LDLRAP1: variants seen among roughly 807,000 people sequenced by gnomAD.
LDLRAP1 encodes low density lipoprotein receptor adaptor protein 1.
Under a neutral mutation model 37.8 loss-of-function variants are expected in LDLRAP1, and 30 were observed. That is an observed-to-expected ratio of 0.79 (90% CI 0.59 to 1.08). The LOEUF (loss-of-function observed/expected upper bound fraction) is 1.08. Among genes scored for constraint, LDLRAP1 ranks in the 50% least tolerant of loss-of-function variants. LDLRAP1 has a pLI of 0.00. For synonymous variants in LDLRAP1, 156 were observed against 169.8 expected (o/e 0.92, Z 0.63); for missense variants, 375 against 401.6 (o/e 0.93, Z 0.57).
chr1:25,587,905 G>T, the LDLRAP1 span, among the ~76,000 whole-genome samples: 4 of 152,142 alleles, frequency 2.6e-5, no homozygotes, highest in African/African-American at 9.7e-5. Context: ...GAAAGAAGTA[G>T]ACATAAGAGA....
At chr1:25,582,725 T>C in the LDLRAP1 span, among the ~76,000 whole-genome samples, 2 of 152,182 alleles carry the variant, frequency 1.3e-5, no homozygotes, top group South Asian at 4.1e-4. Context: ...CCCCATCCTT[T>C]TAAAAATAAC....
chr1:25,563,756 C>T lies in LDLRAP1; in HGVS notation c.712C>T (p.Arg238Trp), dbSNP rs41291058. The change falls in exon 7 of 9, where the codon CGG (arginine) becomes TGG (tryptophan). Residue 238 changes from arginine (R) to tryptophan (W), a missense_variant. Arg to Trp is a moderately radical substitution (Grantham distance 101, BLOSUM62 -3). Coordinates refer to ENST00000374338, the MANE Select transcript of LDLRAP1 (RefSeq NM_015627.3). ...CACCACCAACATGGACGAGGTGCCG[C>T]GGCCACAAGCCTTGAGTGGCAGCAG... is the stretch of plus-strand genomic sequence containing the variant. Reference protein sequence around the residue: ...ANTTNMDEVPRPQALSGSSVV... With the variant: ...ANTTNMDEVPWPQALSGSSVV... 67,876 of 1,613,906 alleles carry T rather than the reference C, an allele frequency of 0.042. 1,745 individuals carry two copies. The highest frequency in any genetic ancestry group is 0.051 in the Non-Finnish European group (59,609 of 1,179,980).
rs1483547982 is a variant in LDLRAP1 at position 25,555,705 on chromosome 1, C to T, written c.344+733C>T. On this transcript the variant is annotated intron_variant, in intron 3 of 8. Coordinates refer to ENST00000374338, the MANE Select transcript of LDLRAP1 (RefSeq NM_015627.3). The surrounding 1 kb of genome is among the most constrained non-coding windows in gnomAD (Gnocchi z 4.7). ...TGGCTCAGCCCGTTGGTGCACAGGC[C>T]AGTAGTAGGGTCAGTAGATGTGTGT... is the stretch of plus-strand genomic sequence containing the variant. 6.6e-6 allele frequency among the ~76,000 whole-genome samples: 1 copy of T among 152,156 alleles called. No homozygotes were observed. The highest frequency in any genetic ancestry group is 1.5e-5 in the Non-Finnish European group (1 of 68,034).
intron 4 of LDLRAP1, among the ~76,000 whole-genome samples, chr1:25,560,585 G>C (rs970520601): frequency 2.0e-5 from 3 of 152,180 alleles, no homozygotes; most frequent in Non-Finnish European, 4.4e-5. Flanking sequence ...GGCAGCACGG[G>C]GCCAGGCTGC....
downstream of LDLRAP1, among the ~76,000 whole-genome samples, chr1:25,569,494 T>C (rs1419579383): frequency 6.6e-6 from 1 of 152,150 alleles, no homozygotes; most frequent in Non-Finnish European, 1.5e-5. Flanking sequence ...CAGTCACCTC[T>C]TGAGCCTTGA....
chr1:25,548,706 C>A (rs1396758729), intron 1 of LDLRAP1, among the ~76,000 whole-genome samples: 3 of 151,134 alleles, frequency 2.0e-5, no homozygotes, highest in Admixed American at 2.0e-4. Context: ...CAAGGTCTCA[C>A]TCTATTGCCC....
At chr1:25,572,823 A>G (rs1292801959), downstream of LDLRAP1, among the ~76,000 whole-genome samples, 4 of 152,140 alleles carry the variant, frequency 2.6e-5, no homozygotes, top group Admixed American at 1.3e-4. Flanking sequence ...TTGAGCATGT[A>G]ATGAGCACCA....
chr1:25,559,469 C>A (rs893036088), intron 4 of LDLRAP1, among the ~76,000 whole-genome samples: 1 of 152,228 alleles, frequency 6.6e-6, no homozygotes, highest in Non-Finnish European at 1.5e-5. Context: ...GGCCGCTGCT[C>A]AGCCACTGAC....
intron 1 of LDLRAP1, among the ~76,000 whole-genome samples, chr1:25,548,005 CTT>C (rs1167672083): frequency 6.6e-6 from 1 of 152,194 alleles, no homozygotes; most frequent in Non-Finnish European, 1.5e-5. Context: ...GTCAGATACT[CTT>C]TTTGAGCAGC....
chr1:25,570,877 A>G (rs1175764419), downstream of LDLRAP1, among the ~76,000 whole-genome samples: 1 of 152,032 alleles, frequency 6.6e-6, no homozygotes, highest in Non-Finnish European at 1.5e-5. Context: ...AATAAAAATA[A>G]AGTAACCCTT....
chr1:25,570,031 T>C (rs2044582043), downstream of LDLRAP1, among the ~76,000 whole-genome samples: 1 of 152,204 alleles, frequency 6.6e-6, no homozygotes, highest in South Asian at 2.1e-4. Flanking sequence ...CCTCTGCCCC[T>C]CAGCTGTGGC....
At position 25,544,688 on chromosome 1, in the gene LDLRAP1, C is replaced by G. The variant is rs1180183495; in HGVS notation, c.88+902C>G. ...AGAAGACCCAGCCTAGCGCAGGTCT[C>G]GTTGTTTGGGAGGGAGAAGAGAGTG... is the stretch of plus-strand genomic sequence containing the variant. On this transcript the variant is annotated intron_variant, in intron 1 of 8. Transcript: ENST00000374338. This position sits in a 1 kb window ranked among gnomAD's most constrained non-coding sequence, Gnocchi z 4.8. Among the ~76,000 whole-genome samples, 1 of 152,158 alleles carries G rather than the reference C, an allele frequency of 6.6e-6. No individual in the cohort carries two copies. The highest frequency in any genetic ancestry group is 1.5e-5 in the Non-Finnish European group (1 of 68,030).
chr1:25,589,304 A>AGAAAGAAAGAAAGAAAG, the LDLRAP1 span, among the ~76,000 whole-genome samples: 1 of 148,934 alleles, frequency 6.7e-6, no homozygotes, highest in East Asian at 2.1e-4. Flanking sequence ...ACTCCATCTC[A>AGAAAGAAAGAAAGAAAG]AAAGAAAGAA....
intron 4 of LDLRAP1, among the ~76,000 whole-genome samples, chr1:25,561,153 A>C (rs2044333785): frequency 6.6e-6 from 1 of 152,228 alleles, no homozygotes; most frequent in Non-Finnish European, 1.5e-5. Flanking sequence ...GCTTGGGTGG[A>C]TAGTGATCTG....
At chr1:25,556,456 AC>A (rs1435619549) in intron 3 of LDLRAP1, among the ~76,000 whole-genome samples, 1 of 151,946 alleles carries the variant, frequency 6.6e-6, no homozygotes, top group Non-Finnish European at 1.5e-5. Flanking sequence ...CACGCACCCC[AC>A]CCCTACTCCC....
At position 25,554,930 on chromosome 1, in the gene LDLRAP1, A is replaced by T. The variant is rs1188788904; in HGVS notation, c.302A>T (p.Asp101Val). The change falls in exon 3 of 9, where the codon GAC becomes GTC. Residue 101 changes from aspartate to valine, a missense_variant. By Grantham distance (152) the Asp-to-Val change is radical. Coordinates refer to ENST00000374338, the MANE Select transcript of LDLRAP1 (RefSeq NM_015627.3). This position sits in a 1 kb window ranked among gnomAD's most constrained non-coding sequence, Gnocchi z 5.4. ...TCGCCACGGGGAATTATCCTGACAG[A>T]CAACCTCACCAACCAGCTCATTGAG... ...KVSPRGIILT[D>V]NLTNQLIENV... 8.7e-6 allele frequency: 14 copies of T among 1,614,080 alleles called. No individual in the cohort carries two copies. The highest frequency in any genetic ancestry group is 5.0e-5 in the Admixed American group (3 of 60,012).
In LDLRAP1 at chr1:25,568,623, C is replaced by T. The variant is rs752195863; in HGVS notation, c.*1631C>T. On this transcript the variant is annotated 3_prime_UTR_variant, in exon 9 of 9. Coordinates refer to ENST00000374338, the MANE Select transcript of LDLRAP1 (RefSeq NM_015627.3). ...TGAGGATAACTTCCTTGCCCCTGCT[C>T]TGTAGCCACCTCCTTGGCACCGGCC... 3 of 152,268 alleles carry T rather than the reference C, an allele frequency of 2.0e-5. No individual in the cohort carries two copies. The highest frequency in any genetic ancestry group is 2.9e-5 in the Non-Finnish European group (2 of 68,074). The allele number at this position is 152,268 out of a possible 1,614,324, so 9.4% of individuals were successfully genotyped here.
intron 1 of LDLRAP1, 185 bp from the exon 2 acceptor site, chr1:25,553,737 C>G (rs570485241): frequency 1.5e-6 from 1 of 686,952 alleles, no homozygotes; most frequent in South Asian, 1.9e-5. Context: ...CACCACTGCA[C>G]TCCAGCCTGA....
intron 8 of LDLRAP1, 30 bp from the exon 9 acceptor site, chr1:25,566,818 G>A: frequency 6.3e-7 from 1 of 1,596,894 alleles, no homozygotes; most frequent in Non-Finnish European, 8.5e-7. Flanking sequence ...CCTCACCCAG[G>A]CTCTCGGCTC....
Sources: allele counts gnomAD v4.1 joint callset (sites outside exome capture counted in the v4.1 genomes callset), GRCh38; gene constraint gnomAD v4.1.1; non-coding constraint Gnocchi (gnomAD v3.1); transcripts MANE v1.5; gene names NCBI Gene and HGNC (gene_info 2026-07-23, HGNC 2026-07-21).